The following UNC5D variants were observed in gnomAD, a reference collection of about 807,000 sequenced individuals.
UNC5D encodes netrin receptor UNC5D.
In UNC5D, 39 loss-of-function variants were observed where a neutral mutation model predicts 105.4. The ratio of observed to expected loss-of-function variants is 0.37; its 90% CI spans 0.29 to 0.48. UNC5D has a LOEUF of 0.48. UNC5D is among the 20% of genes least tolerant of loss of function. UNC5D has a pLI of 0.98. For synonymous variants in UNC5D, 452 were observed against 450.4 expected (o/e 1.00, Z -0.04); for missense variants, 991 against 1,202.4 (o/e 0.82, Z 2.60).
At chr8:35,495,163 G>A (rs1446178869) in intron 1 of UNC5D, among the ~76,000 whole-genome samples, 4 of 152,150 alleles carry the variant, frequency 2.6e-5, no homozygotes, top group African/African-American at 9.7e-5. Flanking sequence ...TAATCACGGG[G>A]CAAAGAGAGA....
chr8:35,470,807 T>TAAATA (rs1554538815), intron 1 of UNC5D, among the ~76,000 whole-genome samples: 24,667 of 130,090 alleles, frequency 0.19, 2,689 homozygotes, highest in African/African-American at 0.24. Context: ...AATAAATAAA[T>TAAATA]AAATAAAATA....
At chr8:35,311,428 G>A (rs1808876315) in intron 1 of UNC5D, among the ~76,000 whole-genome samples, 1 of 152,206 alleles carries the variant, frequency 6.6e-6, no homozygotes, top group African/African-American at 2.4e-5. Context: ...GAGCTTGGCT[G>A]GGTAAGCAAA....
chr8:35,481,609 C>A (rs1810487293), intron 1 of UNC5D, among the ~76,000 whole-genome samples: 1 of 152,038 alleles, frequency 6.6e-6, no homozygotes, highest in African/African-American at 2.4e-5. Flanking sequence ...CTTTGTCAAC[C>A]TTTGAGTTCA....
At chr8:35,415,794 T>C (rs1270080213) in intron 1 of UNC5D, among the ~76,000 whole-genome samples, 1 of 152,166 alleles carries the variant, frequency 6.6e-6, no homozygotes, top group Non-Finnish European at 1.5e-5. Context: ...CTCTGCTCCC[T>C]ATTCTCCTAC....
chr8:35,259,690 T>G (rs1804315748), intron 1 of UNC5D, among the ~76,000 whole-genome samples: 1 of 152,032 alleles, frequency 6.6e-6, no homozygotes, highest in Non-Finnish European at 1.5e-5. Flanking sequence ...GGCTTTCATA[T>G]TTTCAAAGGG....
intron 1 of UNC5D, among the ~76,000 whole-genome samples, chr8:35,434,851 T>G (rs1465559391): frequency 4.6e-5 from 7 of 152,154 alleles, no homozygotes; most frequent in Admixed American, 3.9e-4. Context: ...ATATTTTCTC[T>G]GGTAAATGCT....
chr8:35,470,601 CAAAAA>C (rs143876201), intron 1 of UNC5D, among the ~76,000 whole-genome samples: 1 of 119,818 alleles, frequency 8.3e-6, no homozygotes, highest in Non-Finnish European at 1.7e-5. Flanking sequence ...ACAAAAAATG[CAAAAA>C]AAAAAAAAAA....
chr8:35,432,307 T>C (rs1806698550), intron 1 of UNC5D, among the ~76,000 whole-genome samples: 1 of 152,226 alleles, frequency 6.6e-6, no homozygotes, highest in African/African-American at 2.4e-5. Flanking sequence ...GAAATAGTTT[T>C]TTAATTCTCA....
chr8:35,305,607 T>TTCTTTCATTTCTTTCTG (rs1483877888), intron 1 of UNC5D, among the ~76,000 whole-genome samples: 1 of 150,406 alleles, frequency 6.6e-6, no homozygotes, highest in African/African-American at 2.4e-5. Context: ...CTTTCTTTCT[T>TTCTTTCATTTCTTTCTG]TCTTTCTTTC....
chr8:35,555,883 A>G (rs1321777903), intron 2 of UNC5D, among the ~76,000 whole-genome samples: 1 of 56,538 alleles, frequency 1.8e-5, no homozygotes, highest in African/African-American at 3.9e-4. Flanking sequence ...CAGCACACAC[A>G]CACACACACA....
chr8:35,433,038 G>C, intron 1 of UNC5D, among the ~76,000 whole-genome samples: 1 of 152,082 alleles, frequency 6.6e-6, no homozygotes, highest in Admixed American at 6.6e-5. Flanking sequence ...AAAAAGTGTT[G>C]GCACTTAACT....
At chr8:35,774,969 C>T (rs1802179134) in intron 16 of UNC5D, among the ~76,000 whole-genome samples, 1 of 150,496 alleles carries the variant, frequency 6.6e-6, no homozygotes, top group East Asian at 2.0e-4. Context: ...TTCCTGCTAC[C>T]CCATTCTGCC....
At chr8:35,655,719 G>A (rs1823684962) in intron 4 of UNC5D, among the ~76,000 whole-genome samples, 1 of 152,160 alleles carries the variant, frequency 6.6e-6, no homozygotes, top group Non-Finnish European at 1.5e-5. Context: ...TGAGGAGAAT[G>A]GTAGAATAGC....
At chr8:35,635,291 T>C (rs1390609556) in intron 4 of UNC5D, among the ~76,000 whole-genome samples, 5 of 152,202 alleles carry the variant, frequency 3.3e-5, no homozygotes, top group Non-Finnish European at 7.3e-5. Context: ...GATACTCCTA[T>C]GTATTGATAC....
chr8:35,425,469 C>A (rs553461179), intron 1 of UNC5D, among the ~76,000 whole-genome samples: 10 of 152,258 alleles, frequency 6.6e-5, no homozygotes, highest in African/African-American at 2.4e-4. Context: ...GAGACCCCCA[C>A]CCCGGTTAAA....
intron 1 of UNC5D, among the ~76,000 whole-genome samples, chr8:35,399,071 G>A (rs904207791): frequency 1.3e-5 from 2 of 150,728 alleles, no homozygotes; most frequent in African/African-American, 2.5e-5. Flanking sequence ...CTTGAACCTG[G>A]GAGTCAGAGG....
intron 2 of UNC5D, among the ~76,000 whole-genome samples, chr8:35,556,216 T>G (rs1816542073): frequency 6.6e-6 from 1 of 152,196 alleles, no homozygotes. Flanking sequence ...ATTCTTCTTT[T>G]TGAATGAGAC....
chr8:35,509,009 G>T (rs1251658024), intron 1 of UNC5D, among the ~76,000 whole-genome samples: 1 of 152,120 alleles, frequency 6.6e-6, no homozygotes, highest in Non-Finnish European at 1.5e-5. Context: ...TATTTTCTTT[G>T]ATTCTTGCTA....
chr8:35,338,298 C>A (rs1420147235), intron 1 of UNC5D, among the ~76,000 whole-genome samples: 1 of 151,866 alleles, frequency 6.6e-6, no homozygotes, highest in Non-Finnish European at 1.5e-5. Flanking sequence ...GGTTTTTTTT[C>A]TTTTATGTTG....
Sources: allele counts gnomAD v4.1 joint callset (sites outside exome capture counted in the v4.1 genomes callset), GRCh38; gene constraint gnomAD v4.1.1; transcripts MANE v1.5; gene names NCBI Gene and HGNC (gene_info 2026-07-23, HGNC 2026-07-21).